ARID2: variants seen among roughly 807,000 people sequenced by gnomAD.
ARID2 encodes AT-rich interactive domain-containing protein 2.
A neutral mutation model predicts 184.6 loss-of-function variants in ARID2; 32 were observed. The ratio of observed to expected loss-of-function variants is 0.17; its 90% CI spans 0.13 to 0.23. ARID2 has a LOEUF of 0.23. Among genes scored for constraint, ARID2 ranks in the 10% least tolerant of loss-of-function variants. The pLI, the probability that ARID2 is intolerant of heterozygous loss-of-function variation, is 1.00. For synonymous variants in ARID2, 836 were observed against 772.6 expected (o/e 1.08, Z -1.36); for missense variants, 1,696 against 2,197.6 (o/e 0.77, Z 4.56).
chr12:45,839,064 C>T (rs1943280806), intron 10 of ARID2, among the ~76,000 whole-genome samples: 1 of 151,396 alleles, frequency 6.6e-6, no homozygotes, highest in South Asian at 2.1e-4. Flanking sequence ...TGGGGCTTCA[C>T]CATGTTAGCC....
chr12:45,783,739 A>G (rs183965679), intron 3 of ARID2, among the ~76,000 whole-genome samples: 116 of 152,354 alleles, frequency 7.6e-4, no homozygotes, highest in Non-Finnish European at 1.4e-3. Context: ...CCTGCTGTGC[A>G]GCCCGGTTCC....
chr12:45,793,717 G>T (rs1942336570), intron 3 of ARID2, among the ~76,000 whole-genome samples: 1 of 150,110 alleles, frequency 6.7e-6, no homozygotes, highest in Non-Finnish European at 1.5e-5. Flanking sequence ...ATATATCTCA[G>T]CAAGATATTC....
intron 10 of ARID2, among the ~76,000 whole-genome samples, chr12:45,838,772 A>AT (rs1169199634): frequency 6.6e-6 from 1 of 152,028 alleles, no homozygotes; most frequent in Non-Finnish European, 1.5e-5. Flanking sequence ...CTCAAAAAAA[A>AT]ATATATAGAT....
Position 45,906,678 on chromosome 12 carries a change from C to A in ARID2, c.*1600C>A, listed in dbSNP as rs1239140733. ...GATTGATAACATATTAAATAGAGAA[C>A]AAATAAGAGAGGTCCTTTACATGAC... On this transcript the variant is annotated 3_prime_UTR_variant, in exon 21 of 21. Coordinates refer to ENST00000334344, the MANE Select transcript of ARID2 (RefSeq NM_152641.4). The A allele has an allele frequency of 1.3e-5, 3 of 231,854 alleles. No individual in the cohort carries two copies. Among genetic ancestry groups the A allele is most frequent in the Non-Finnish European group, 2.6e-5 (3 of 117,374 alleles). The allele number at this position is 231,854 out of a possible 1,614,324, so 14.4% of individuals were successfully genotyped here. A position where few individuals can be genotyped will look rare whatever the true frequency, so the allele number is the denominator to read the frequency against.
At chr12:45,895,313 G>A (rs756289668) in intron 20 of ARID2, among the ~76,000 whole-genome samples, 10 of 152,134 alleles carry the variant, frequency 6.6e-5, no homozygotes, top group Non-Finnish European at 1.3e-4. Flanking sequence ...CTTTCCTGAT[G>A]TCTTCCTTAC....
intron 4 of ARID2, among the ~76,000 whole-genome samples, chr12:45,814,461 C>T (rs1012207960): frequency 6.6e-6 from 1 of 152,054 alleles, no homozygotes; most frequent in African/African-American, 2.4e-5. Flanking sequence ...ACCAGCCTGG[C>T]CAACATGGTG....
chr12:45,866,928 TTTGTTGTTGTTGTTGTTGTTG>T (rs369872664), intron 16 of ARID2, among the ~76,000 whole-genome samples: 25 of 150,054 alleles, frequency 1.7e-4, no homozygotes, highest in African/African-American at 6.1e-4. Context: ...TTTTGTGAAG[TTTGTTGTTGTTGTTGTTGTTG>T]TTGTTGTTGT....
intron 3 of ARID2, among the ~76,000 whole-genome samples, chr12:45,760,324 A>C (rs1481092221): frequency 6.6e-6 from 1 of 152,216 alleles, no homozygotes; most frequent in Non-Finnish European, 1.5e-5. Flanking sequence ...TTTTATGTTT[A>C]TTGTGATGTC....
intron 3 of ARID2, among the ~76,000 whole-genome samples, chr12:45,806,620 A>G (rs1287256248): frequency 6.6e-6 from 1 of 152,036 alleles, no homozygotes; most frequent in East Asian, 1.9e-4. Flanking sequence ...TGTGATCTAC[A>G]TTGTCAAATT....
At chr12:45,813,743 C>G (rs1465582058) in intron 4 of ARID2, among the ~76,000 whole-genome samples, 2 of 151,942 alleles carry the variant, frequency 1.3e-5, no homozygotes, top group African/African-American at 4.8e-5. Context: ...CCTGAATTTG[C>G]CTTTGAGGAT....
rs191827892 is a variant in ARID2 at position 45,880,638 on chromosome 12, A to T, written c.4923-11142A>T. ...TAGCACTCATTTTATAATTATGAAGATTAAACACATTAATGCAAGGAAAAC... is the reference window on the plus strand; with the variant it reads ...TAGCACTCATTTTATAATTATGAAGTTTAAACACATTAATGCAAGGAAAAC... On this transcript the variant is annotated intron_variant, in intron 16 of 20. Transcript: ENST00000334344. 2.6e-5 allele frequency among the ~76,000 whole-genome samples: 4 copies of T among 152,368 alleles called. No homozygotes were observed. In the East Asian group the frequency reaches 7.7e-4, roughly 29 times the overall value.
chr12:45,903,799 G>C (rs1054882145), intron 20 of ARID2, among the ~76,000 whole-genome samples: 1 of 151,450 alleles, frequency 6.6e-6, no homozygotes, highest in Non-Finnish European at 1.5e-5. Context: ...TCTTTTATTC[G>C]GAGTTATTTT....
intron 3 of ARID2, among the ~76,000 whole-genome samples, chr12:45,798,502 A>T (rs1942434550): frequency 6.6e-6 from 1 of 152,218 alleles, no homozygotes; most frequent in Non-Finnish European, 1.5e-5. Flanking sequence ...ATCCATCTGG[A>T]CAAGGGTGTT....
intron 3 of ARID2, among the ~76,000 whole-genome samples, chr12:45,773,782 A>G (rs916955250): frequency 2.0e-5 from 3 of 152,208 alleles, no homozygotes; most frequent in African/African-American, 7.2e-5. Context: ...GCAAAGGCCC[A>G]GATGGTTTAA....
intron 6 of ARID2, among the ~76,000 whole-genome samples, chr12:45,836,143 A>G (rs1943217388): frequency 6.6e-6 from 1 of 152,214 alleles, no homozygotes; most frequent in Non-Finnish European, 1.5e-5. Flanking sequence ...GAATGTAGCA[A>G]TATCCACATG....
chr12:45,802,651 A>G (rs1248011917), intron 3 of ARID2, among the ~76,000 whole-genome samples: 1 of 152,182 alleles, frequency 6.6e-6, no homozygotes, highest in Non-Finnish European at 1.5e-5. Flanking sequence ...AGTAAGGCAT[A>G]TAACTCTTCT....
At chr12:45,779,553 G>A (rs1201244608) in intron 3 of ARID2, among the ~76,000 whole-genome samples, 1 of 152,054 alleles carries the variant, frequency 6.6e-6, no homozygotes, top group Non-Finnish European at 1.5e-5. Flanking sequence ...CAACAGCCAG[G>A]AGATTTGGAA....
At chr12:45,820,890 G>T (rs935129172) in intron 5 of ARID2, among the ~76,000 whole-genome samples, 2 of 152,126 alleles carry the variant, frequency 1.3e-5, no homozygotes, top group African/African-American at 4.8e-5. Flanking sequence ...TCATAAAGTT[G>T]TTGATAAAGC....
At chr12:45,830,411 C>T (rs917713561) in intron 6 of ARID2, among the ~76,000 whole-genome samples, 5 of 152,054 alleles carry the variant, frequency 3.3e-5, no homozygotes, top group African/African-American at 1.2e-4. Context: ...GGGAGTAGGC[C>T]AGTGGTACAA....
Sources: gnomAD v4.1 joint callset for allele counts (sites outside exome capture counted in the v4.1 genomes callset) on GRCh38, gnomAD v4.1.1 for gene constraint, MANE v1.5 for transcripts, NCBI Gene and HGNC (gene_info 2026-07-23, HGNC 2026-07-21) for gene names.